Variants in CNTN1 observed in about 807,000 individuals in gnomAD.
CNTN1 encodes the protein contactin 1, also known as contactin-1.
In CNTN1, 38 loss-of-function variants were observed where a neutral mutation model predicts 126.4. That is an observed-to-expected ratio of 0.30 (90% CI 0.23 to 0.39). CNTN1 has a LOEUF of 0.39. CNTN1 is among the 10% of genes least tolerant of loss of function. CNTN1 has a pLI of 1.00. For missense variants in CNTN1, 1,009 were observed against 1,248.4 expected (o/e 0.81, Z 2.89); for synonymous variants, 413 against 422.6 (o/e 0.98, Z 0.28).
chr12:40,748,524 C>T (rs1226045310), intron 1 of CNTN1, among the ~76,000 whole-genome samples: 1 of 152,080 alleles, frequency 6.6e-6, no homozygotes, highest in Non-Finnish European at 1.5e-5. Context: ...TACATATTCT[C>T]AGAATATTTA....
At chr12:40,836,938 A>C (rs573571525) in intron 1 of CNTN1, among the ~76,000 whole-genome samples, 49 of 152,308 alleles carry the variant, frequency 3.2e-4, no homozygotes, top group African/African-American at 1.2e-3. Context: ...TAGGAGATTA[A>C]AGTTTCTCTT....
chr12:40,836,029 T>C lies in CNTN1; in HGVS notation c.-76-72328T>C, dbSNP rs1379706988. ...GTGTGTATATATGTATGCATATATA[T>C]ATACACATGTATGCATATATATGTA... On this transcript the variant is annotated intron_variant, in intron 1 of 23. Transcript: ENST00000551295. 2.0e-5 allele frequency among the ~76,000 whole-genome samples: 3 copies of C among 151,006 alleles called. No homozygotes were observed. In the South Asian group the frequency reaches 6.2e-4, roughly 31 times the overall value.
intron 1 of CNTN1, among the ~76,000 whole-genome samples, chr12:40,698,228 A>ATTTTTTTTTTTTTTTTTTTTTTT (rs35570862): frequency 1.4e-5 from 1 of 69,884 alleles, no homozygotes; most frequent in African/African-American, 5.8e-5. Context: ...CAGCCACTTA[A>ATTTTTTTTTTTTTTTTTTTTTTT]TTTTTTTTTT....
At chr12:40,738,952 C>A (rs1479403835) in intron 1 of CNTN1, among the ~76,000 whole-genome samples, 2 of 152,044 alleles carry the variant, frequency 1.3e-5, no homozygotes, top group East Asian at 1.9e-4. Flanking sequence ...TTCAACCTAG[C>A]AACTTCACTT....
intron 17 of CNTN1, among the ~76,000 whole-genome samples, chr12:40,998,993 A>T (rs1297242642): frequency 6.6e-6 from 1 of 152,152 alleles, no homozygotes; most frequent in South Asian, 2.1e-4. Flanking sequence ...ATAATTTAGG[A>T]TTTGTCACAA....
intron 23 of CNTN1, among the ~76,000 whole-genome samples, chr12:41,053,401 G>C (rs933594195): frequency 9.1e-6 from 1 of 110,000 alleles, no homozygotes; most frequent in Non-Finnish European, 1.8e-5. Flanking sequence ...AATTTATTTA[G>C]ATTTTGTCTC....
chr12:40,955,717 G>A (rs1307541964), intron 14 of CNTN1, among the ~76,000 whole-genome samples: 1 of 152,056 alleles, frequency 6.6e-6, no homozygotes, highest in African/African-American at 2.4e-5. Flanking sequence ...AGGAATTACA[G>A]TCTAGTGGAA....
At chr12:40,937,019 G>T in intron 10 of CNTN1, 114 bp downstream of exon 10, 2 of 1,339,694 alleles carry the variant, frequency 1.5e-6, no homozygotes, top group Non-Finnish European at 2.1e-6. Context: ...CTTGGGCCCT[G>T]AAATATAAAA....
intron 3 of CNTN1, among the ~76,000 whole-genome samples, chr12:40,911,997 T>C (rs1369680219): frequency 6.6e-6 from 1 of 152,206 alleles, no homozygotes; most frequent in African/African-American, 2.4e-5. Context: ...CTCAGGTGAA[T>C]TGAAATTGAG....
intron 1 of CNTN1, among the ~76,000 whole-genome samples, chr12:40,788,349 G>A (rs1270595839): frequency 6.6e-6 from 1 of 152,094 alleles, no homozygotes; most frequent in African/African-American, 2.4e-5. Flanking sequence ...CATCTGTCAT[G>A]TAGAAGCACC....
In CNTN1 at chr12:40,812,653, G is replaced by C. The variant is rs79583236; in HGVS notation, c.-76-95704G>C. ...ATTCACTCTTTTATCATGATATAAT[G>C]ACCTTTGTCTCTTACGACAGTATTT... On this transcript the variant is annotated intron_variant, in intron 1 of 23. Transcript: ENST00000551295. 1.4e-3 allele frequency among the ~76,000 whole-genome samples: 211 copies of C among 152,114 alleles called. 1 individual carries two copies. The highest frequency in any genetic ancestry group is 4.8e-3 in the African/African-American group (201 of 41,530).
At chr12:40,699,336 A>G (rs1299027024) in intron 1 of CNTN1, among the ~76,000 whole-genome samples, 1 of 152,252 alleles carries the variant, frequency 6.6e-6, no homozygotes, top group Non-Finnish European at 1.5e-5. Context: ...CCAATCAATA[A>G]AAGCTAAAAA....
chr12:40,730,558 C>G (rs1178541643), intron 1 of CNTN1, among the ~76,000 whole-genome samples: 3 of 152,106 alleles, frequency 2.0e-5, no homozygotes, highest in Non-Finnish European at 4.4e-5. Flanking sequence ...CTCAGTTGCC[C>G]AATATCTATG....
intron 1 of CNTN1, among the ~76,000 whole-genome samples, chr12:40,731,126 A>C (rs1474110187): frequency 6.6e-6 from 1 of 152,078 alleles, no homozygotes; most frequent in East Asian, 1.9e-4. Flanking sequence ...AAAAATGGGA[A>C]ATGCCATTTT....
At chr12:40,741,079 T>C (rs1412396015) in intron 1 of CNTN1, among the ~76,000 whole-genome samples, 3 of 152,094 alleles carry the variant, frequency 2.0e-5, no homozygotes, top group Non-Finnish European at 4.4e-5. Flanking sequence ...GCATCCTATA[T>C]ATATAATTGA....
At chr12:40,766,370 AAAAG>A (rs1939090320) in intron 1 of CNTN1, among the ~76,000 whole-genome samples, 1 of 147,442 alleles carries the variant, frequency 6.8e-6, no homozygotes, top group African/African-American at 2.6e-5. Context: ...AAAAAAAAAA[AAAAG>A]AAAGAAAGAA....
chr12:40,698,817 T>C (rs1215702136), intron 1 of CNTN1, among the ~76,000 whole-genome samples: 1 of 152,196 alleles, frequency 6.6e-6, no homozygotes, highest in Non-Finnish European at 1.5e-5. Flanking sequence ...GTAACTTCTC[T>C]AGATTCATTT....
intron 1 of CNTN1, among the ~76,000 whole-genome samples, chr12:40,718,642 T>C (rs1942111013): frequency 6.6e-6 from 1 of 152,220 alleles, no homozygotes; most frequent in Admixed American, 6.5e-5. Context: ...AAACCCATCA[T>C]GTTGCAGCAG....
intron 15 of CNTN1, among the ~76,000 whole-genome samples, chr12:40,962,799 C>G (rs966200183): frequency 6.6e-6 from 1 of 152,108 alleles, no homozygotes; most frequent in Non-Finnish European, 1.5e-5. Context: ...CTGCAAACAA[C>G]TTCAAATCAT....
Sources: gnomAD v4.1 joint callset for allele counts (sites outside exome capture counted in the v4.1 genomes callset) on GRCh38, gnomAD v4.1.1 for gene constraint, MANE v1.5 for transcripts, NCBI Gene and HGNC (gene_info 2026-07-23, HGNC 2026-07-21) for gene names.